The following GUCY1A2 variants were observed in gnomAD, a reference collection of about 807,000 sequenced individuals.
GUCY1A2 encodes guanylate cyclase soluble subunit alpha-2.
In GUCY1A2, 27 loss-of-function variants were observed where a neutral mutation model predicts 63.5. The observed-to-expected ratio is 0.43, with a 90% confidence interval of 0.31 to 0.59. The LOEUF (loss-of-function observed/expected upper bound fraction) is 0.59, where lower values mean the gene tolerates loss of function less well. Ranked by LOEUF, GUCY1A2 falls within the 20% of genes least tolerant of loss-of-function variation. The probability of loss-of-function intolerance (pLI) is 0.11; values close to 1 mark genes in which losing one functional copy is unlikely to be tolerated. For synonymous variants in GUCY1A2, 364 were observed against 343.5 expected (o/e 1.06, Z -0.66); for missense variants, 768 against 913.3 (o/e 0.84, Z 2.05).
rs189813274 is a variant in GUCY1A2, at chr11:106,833,538, T to G, written c.1207-23060A>C. Among the ~76,000 whole-genome samples, 707 of 152,230 alleles carry G rather than the reference T, an allele frequency of 4.6e-3. 2 individuals carry two copies. Among genetic ancestry groups the G allele is most frequent in the Non-Finnish European group, 7.8e-3 (527 of 67,986 alleles). On this transcript the variant is annotated intron_variant, in intron 4 of 7. Coordinates refer to ENST00000526355, the MANE Select transcript of GUCY1A2 (RefSeq NM_000855.3). ...CCTTAGCACTTACTATCTACCGTAC[T>G]ATTTATTTTACTACCTTTTCTCATT...
intron 6 of GUCY1A2, among the ~76,000 whole-genome samples, chr11:106,766,530 T>A (rs992382069): frequency 6.7e-6 from 1 of 148,596 alleles, no homozygotes; most frequent in Non-Finnish European, 1.5e-5. Context: ...TCTTCTGTAA[T>A]ACTAGTTTTC....
intron 5 of GUCY1A2, among the ~76,000 whole-genome samples, chr11:106,805,899 G>A (rs570572154): frequency 3.9e-5 from 6 of 152,280 alleles, no homozygotes; most frequent in African/African-American, 1.4e-4. Context: ...TTTAGAATCA[G>A]ACAAGTCTCA....
At chr11:106,842,631 T>C (rs1859215499) in intron 4 of GUCY1A2, among the ~76,000 whole-genome samples, 2 of 151,948 alleles carry the variant, frequency 1.3e-5, no homozygotes, top group Admixed American at 1.3e-4. Context: ...ACTAGTCCAG[T>C]AGTTACTTTT....
intron 4 of GUCY1A2, among the ~76,000 whole-genome samples, chr11:106,935,340 T>C (rs1012046958): frequency 6.6e-6 from 1 of 152,188 alleles, no homozygotes; most frequent in Non-Finnish European, 1.5e-5. Flanking sequence ...GCAGTGCTTA[T>C]CCCTGGGGTC....
In GUCY1A2 at chr11:106,865,376, T is replaced by C. The variant is rs140060177; in HGVS notation, c.1207-54898A>G. Among the ~76,000 whole-genome samples the C allele has an allele frequency of 8.2e-3, 1,242 of 152,190 alleles. 14 individuals carry two copies. The highest frequency in any genetic ancestry group is 0.029 in the African/African-American group (1,185 of 41,530). Reference sequence around the variant, plus strand: ...TTTTTTGAAGGGTTTTTTGTGTCTCTATCTCCTTCAGTTCTGCTCTGATCT... The same window carrying C: ...TTTTTTGAAGGGTTTTTTGTGTCTCCATCTCCTTCAGTTCTGCTCTGATCT... On this transcript the variant is annotated intron_variant, in intron 4 of 7. Coordinates refer to ENST00000526355, the MANE Select transcript of GUCY1A2 (RefSeq NM_000855.3).
At chr11:106,714,751 G>A (rs1863186065) in intron 6 of GUCY1A2, among the ~76,000 whole-genome samples, 2 of 151,554 alleles carry the variant, frequency 1.3e-5, no homozygotes, top group Non-Finnish European at 2.9e-5. Context: ...ACAACTGGGA[G>A]GGAGAGGTGC....
At position 106,720,115 on chromosome 11, in the gene GUCY1A2, A is replaced by G. The variant is rs142921437; in HGVS notation, c.1837-11449T>C. ...TTTAATTAAAATATTAGCAACTAGG[A>G]CAGAACTGTGAACCCTCCTCAGACT... On this transcript the variant is annotated intron_variant, in intron 6 of 7. Coordinates refer to ENST00000526355, the MANE Select transcript of GUCY1A2 (RefSeq NM_000855.3). Among the ~76,000 whole-genome samples the G allele has an allele frequency of 6.6e-3, 1,005 of 152,328 alleles. 12 individuals are homozygous for G. The highest frequency in any genetic ancestry group is 0.022 in the African/African-American group (911 of 41,580).
intron 5 of GUCY1A2, among the ~76,000 whole-genome samples, chr11:106,797,335 G>C (rs184077233): frequency 1.3e-5 from 2 of 152,062 alleles, no homozygotes; most frequent in South Asian, 2.1e-4. Flanking sequence ...TTCCTTTGGA[G>C]GGGGAGAGGC....
chr11:106,868,607 G>C (rs1158522872), intron 4 of GUCY1A2, among the ~76,000 whole-genome samples: 2 of 151,918 alleles, frequency 1.3e-5, no homozygotes, highest in Non-Finnish European at 2.9e-5. Context: ...AAATAAAAGA[G>C]GACACAAACA....
chr11:106,827,538 C>T (rs2135434445), intron 4 of GUCY1A2: 2 of 1,474,112 alleles, frequency 1.4e-6, no homozygotes, highest in East Asian at 4.5e-5. Context: ...CACATATCAA[C>T]TTTGGTTTAG....
chr11:106,855,293 C>T (rs1433821678), intron 4 of GUCY1A2, among the ~76,000 whole-genome samples: 1 of 152,094 alleles, frequency 6.6e-6, no homozygotes, highest in Non-Finnish European at 1.5e-5. Flanking sequence ...GGCTGGGGAT[C>T]TCTCACCTAC....
intron 1 of GUCY1A2, among the ~76,000 whole-genome samples, chr11:107,004,260 C>A (rs1378724655): frequency 3.3e-5 from 5 of 152,126 alleles, no homozygotes; most frequent in Non-Finnish European, 7.4e-5. Flanking sequence ...TTAAACAGAA[C>A]AAGATTCCAA....
rs371325762 is a variant in GUCY1A2 at position 106,946,551 on chromosome 11, A to G, written c.488-6373T>C. On this transcript the variant is annotated intron_variant, in intron 3 of 7. Coordinates refer to ENST00000526355, the MANE Select transcript of GUCY1A2 (RefSeq NM_000855.3). Reference sequence around the variant, plus strand: ...CAAAGAATTCAAAGAAACTGCAAGAAAAAAAGCAGCAATGGAGGGGCAATA... The same window carrying G: ...CAAAGAATTCAAAGAAACTGCAAGAGAAAAAGCAGCAATGGAGGGGCAATA... Among the ~76,000 whole-genome samples, 7 of 152,286 alleles carry G rather than the reference A, an allele frequency of 4.6e-5. No homozygotes were observed. The East Asian group carries it at 9.7e-4, about 21-fold the overall frequency.
At chr11:106,847,812 A>G (rs991580799) in intron 4 of GUCY1A2, among the ~76,000 whole-genome samples, 1 of 151,724 alleles carries the variant, frequency 6.6e-6, no homozygotes, top group African/African-American at 2.4e-5. Context: ...AAAAATTAAT[A>G]AATAGCAAGT....
At chr11:106,751,215 C>G (rs1863876848) in intron 6 of GUCY1A2, among the ~76,000 whole-genome samples, 1 of 151,992 alleles carries the variant, frequency 6.6e-6, no homozygotes, top group Admixed American at 6.6e-5. Context: ...AATTATTCAA[C>G]CTTTGGTGAC....
chr11:106,713,117 C>T (rs1316708481), intron 6 of GUCY1A2, among the ~76,000 whole-genome samples: 9 of 152,148 alleles, frequency 5.9e-5, no homozygotes, highest in Admixed American at 5.9e-4. Context: ...GCCTGGATGC[C>T]TCTCAAGGCA....
At chr11:106,691,396 T>C (rs2135336114) in intron 7 of GUCY1A2, among the ~76,000 whole-genome samples, 1 of 152,318 alleles carries the variant, frequency 6.6e-6, no homozygotes, top group South Asian at 2.1e-4. Flanking sequence ...TTCCACAAAG[T>C]TTCCTTAAAG....
chr11:106,990,813 A>G (rs902024840), intron 1 of GUCY1A2, among the ~76,000 whole-genome samples: 3 of 152,174 alleles, frequency 2.0e-5, no homozygotes, highest in African/African-American at 7.2e-5. Flanking sequence ...TACCTTTCAC[A>G]TTCTGAAAGT....
chr11:106,939,525 G>C lies in GUCY1A2; in HGVS notation c.1141C>G (p.Arg381Gly). 1 of 1,613,184 alleles carries C rather than the reference G, an allele frequency of 6.2e-7. No homozygotes were observed. Reference sequence around the variant, plus strand: ...CTAATCACAAACGGGGTAGACAGTCGCAGCAGGACCCTTTCAAAGGTGGCA... The same window carrying C: ...CTAATCACAAACGGGGTAGACAGTCCCAGCAGGACCCTTTCAAAGGTGGCA... ...VNATFERVLL[R>G]LSTPFVIRTK... is the part of the protein sequence containing the mutation. Residue 381 changes from arginine to glycine, a missense_variant, in exon 4 of 8, where the codon CGA becomes GGA. Arg to Gly is a moderately radical substitution (Grantham distance 125). Around this residue, in one of 3 missense-constraint regions of GUCY1A2, gnomAD observed 496 missense variants for 486.9 expected, o/e 1.02. Transcript: ENST00000526355.
Sources: gnomAD v4.1 joint callset for allele counts (sites outside exome capture counted in the v4.1 genomes callset) on GRCh38, gnomAD v4.1.1 for gene constraint, gnomAD v4.1.1 regional missense constraint, MANE v1.5 for transcripts, NCBI Gene and HGNC (gene_info 2026-07-23, HGNC 2026-07-21) for gene names.